UGT1A5: variants seen among roughly 807,000 people sequenced by gnomAD.
UGT1A5 encodes the protein UDP-glucuronosyltransferase 1A5.
Under a neutral mutation model 40.3 loss-of-function variants are expected in UGT1A5, and 29 were observed. The observed-to-expected ratio is 0.72, with a 90% CI of 0.54 to 0.98. UGT1A5 has a LOEUF of 0.98. Ranked by LOEUF, UGT1A5 falls within the 50% of genes least tolerant of loss-of-function variation. UGT1A5 has a pLI of 0.00. For synonymous variants in UGT1A5, 257 were observed against 262.5 expected (o/e 0.98, Z 0.20); for missense variants, 678 against 677.9 (o/e 1.00, Z 0.00).
Position 233,729,835 on chromosome 2 carries a change from G to A in UGT1A5, c.867+15977G>A, listed in dbSNP as rs530955113. On this transcript the variant is annotated intron_variant, in intron 1 of 4. Coordinates refer to ENST00000373414, the MANE Select transcript of UGT1A5 (RefSeq NM_019078.2). Reference sequence around the variant, plus strand: ...TGCTCCTTATGCAAGCCTTGCCTCTGAGCTTTTTCAGAGAGAGGTGTCAGT... The same window carrying A: ...TGCTCCTTATGCAAGCCTTGCCTCTAAGCTTTTTCAGAGAGAGGTGTCAGT... 4.0e-5 allele frequency: 65 copies of A among 1,613,870 alleles called. 1 individual carries two copies. In the South Asian group the frequency reaches 7.0e-4, roughly 17 times the overall value.
At chr2:233,760,403 A>T (rs2125983562) in intron 1 of UGT1A5, 1 of 1,614,240 alleles carries the variant, frequency 6.2e-7, no homozygotes, top group Non-Finnish European at 8.5e-7. Flanking sequence ...GATGGCAGCC[A>T]CTGGCTGAGC....
intron 1 of UGT1A5, among the ~76,000 whole-genome samples, chr2:233,758,729 C>T (rs1001839617): frequency 6.6e-6 from 1 of 152,208 alleles, no homozygotes; most frequent in African/African-American, 2.4e-5. Context: ...CCTCTAAGCA[C>T]ATCCCCAAGT....
chr2:233,729,312 C>T, intron 1 of UGT1A5: 1 of 1,614,236 alleles, frequency 6.2e-7, no homozygotes, highest in South Asian at 1.1e-5. Context: ...TGGTCCTCAC[C>T]CCAGAGGTGA....
intron 1 of UGT1A5, chr2:233,719,156 A>C (rs751674220): frequency 1.2e-6 from 2 of 1,614,236 alleles, no homozygotes; most frequent in Non-Finnish European, 1.7e-6. Context: ...GATATTCTAG[A>C]AGTATGGCAA....
chr2:233,719,557 T>G, intron 1 of UGT1A5: 5 of 1,613,868 alleles, frequency 3.1e-6, no homozygotes, highest in Non-Finnish European at 4.2e-6. Flanking sequence ...GTGTCAGTGG[T>G]GGATCTTGTC....
intron 1 of UGT1A5, among the ~76,000 whole-genome samples, chr2:233,725,666 T>C (rs1346246922): frequency 6.6e-6 from 1 of 152,182 alleles, no homozygotes; most frequent in Non-Finnish European, 1.5e-5. Context: ...CAATTTGGAA[T>C]AGTCACATTT....
chr2:233,727,264 C>T (rs1345980059), intron 1 of UGT1A5, among the ~76,000 whole-genome samples: 1 of 152,152 alleles, frequency 6.6e-6, no homozygotes, highest in East Asian at 1.9e-4. Flanking sequence ...CAGACCCCTC[C>T]TCATCTCCAG....
chr2:233,760,042 T>C (rs1697309671), intron 1 of UGT1A5, among the ~76,000 whole-genome samples: 1 of 152,232 alleles, frequency 6.6e-6, no homozygotes, highest in African/African-American at 2.4e-5. Context: ...TACTTTGCTG[T>C]GTTCACTCAA....
intron 1 of UGT1A5, chr2:233,719,331 T>C: frequency 6.2e-7 from 1 of 1,613,868 alleles, no homozygotes; most frequent in Non-Finnish European, 8.5e-7. Flanking sequence ...TCCTGCTGTG[T>C]TTTTTTGGAG....
At chr2:233,720,465 GATGA>G (rs2076862299) in intron 1 of UGT1A5, among the ~76,000 whole-genome samples, 1 of 152,108 alleles carries the variant, frequency 6.6e-6, no homozygotes, top group Non-Finnish European at 1.5e-5. Flanking sequence ...TGGGACCAGT[GATGA>G]ATGGACATGT....
intron 1 of UGT1A5, chr2:233,721,896 G>A (rs1237120239): frequency 1.5e-5 from 7 of 474,202 alleles, no homozygotes; most frequent in South Asian, 3.1e-5. Context: ...TTGCAATATC[G>A]AAATGGTGCA....
chr2:233,758,436 A>T (rs532506840), intron 1 of UGT1A5, among the ~76,000 whole-genome samples: 9 of 152,370 alleles, frequency 5.9e-5, no homozygotes, highest in African/African-American at 1.9e-4. Context: ...CTCACACAGC[A>T]TTGGGACTTT....
intron 2 of UGT1A5, 151 bp downstream of exon 2, chr2:233,767,316 TG>T: frequency 6.7e-7 from 1 of 1,493,284 alleles, no homozygotes; most frequent in Non-Finnish European, 8.8e-7. Flanking sequence ...TTTTTTTTGT[TG>T]TTGTGGTTGT....
intron 1 of UGT1A5, chr2:233,743,626 G>C: frequency 7.3e-7 from 1 of 1,367,322 alleles, no homozygotes. Context: ...TGAAGACGTC[G>C]GCTGGGTCGC....
intron 1 of UGT1A5, among the ~76,000 whole-genome samples, chr2:233,715,235 G>A (rs1381956568): frequency 1.3e-5 from 2 of 152,090 alleles, no homozygotes; most frequent in Non-Finnish European, 2.9e-5. Flanking sequence ...CCAATTCTGT[G>A]AAGGATGTCT....
chr2:233,767,314 G>A, intron 2 of UGT1A5, 149 bp downstream of exon 2: 1 of 1,489,626 alleles, frequency 6.7e-7, no homozygotes, highest in Non-Finnish European at 8.8e-7. Flanking sequence ...GGTTTTTTTT[G>A]TTGTTGTGGT....
intron 1 of UGT1A5, chr2:233,760,443 G>A (rs773136953): frequency 2.5e-6 from 4 of 1,614,132 alleles, no homozygotes; most frequent in Non-Finnish European, 1.7e-6. Context: ...AGCTGCAGCA[G>A]AGGGGACATG....
chr2:233,742,633 C>A (rs1280681642), intron 1 of UGT1A5: 1 of 152,070 alleles, frequency 6.6e-6, no homozygotes, highest in African/African-American at 2.4e-5. Context: ...TGAAGACAGT[C>A]CTAGTATACC....
At chr2:233,742,075 C>T (rs1426608266) in intron 1 of UGT1A5, 1 of 151,834 alleles carries the variant, frequency 6.6e-6, no homozygotes, top group East Asian at 1.9e-4. Context: ...TTATGGAGAT[C>T]CTTTTTTTAC....
Sources: gnomAD v4.1 joint callset for allele counts (sites outside exome capture counted in the v4.1 genomes callset) on GRCh38, gnomAD v4.1.1 for gene constraint, MANE v1.5 for transcripts, NCBI Gene and HGNC (gene_info 2026-07-23, HGNC 2026-07-21) for gene names.